The following RORA variants were observed in gnomAD, a reference collection of about 807,000 sequenced individuals.
RORA encodes the protein nuclear receptor ROR-alpha.
Under a neutral mutation model 69.5 loss-of-function variants are expected in RORA, and 7 were observed. That is an observed-to-expected ratio of 0.10 (90% CI 0.06 to 0.19). The LOEUF is 0.19. Ranked by LOEUF, RORA falls within the 10% of genes least tolerant of loss-of-function variation. RORA has a pLI of 1.00. For missense variants in RORA, 457 were observed against 663.0 expected (o/e 0.69, Z 3.41); for synonymous variants, 261 against 240.8 (o/e 1.08, Z -0.78).
chr15:60,511,192 T>C lies in RORA; in HGVS notation c.820+34A>G. 1 of 1,585,034 alleles carries C rather than the reference T, an allele frequency of 6.3e-7. No individual in the cohort carries two copies. The highest frequency in any genetic ancestry group is 1.3e-5 in the African/African-American group (1 of 74,540). On this transcript the variant is annotated intron_variant, in intron 5 of 10. Transcript: ENST00000335670. This position sits in a 1 kb window ranked among gnomAD's most constrained non-coding sequence, Gnocchi z 6.4. ...CCCCTTTTACTTCAAAGGGCATGAA[T>C]AGAGCATCCCAGGAGAAGCATGCAT...
chr15:60,647,692 G>A (rs1420659353), intron 2 of RORA, among the ~76,000 whole-genome samples: 2 of 152,184 alleles, frequency 1.3e-5, no homozygotes, highest in Non-Finnish European at 2.9e-5. Flanking sequence ...TGTTCAGAAA[G>A]AGAGAAGAGC....
chr15:61,018,842 A>C (rs1265326468), intron 1 of RORA, among the ~76,000 whole-genome samples: 1 of 152,192 alleles, frequency 6.6e-6, no homozygotes, highest in East Asian at 1.9e-4. Context: ...GTATATGTCT[A>C]TCTCTGCCAA....
intron 1 of RORA, among the ~76,000 whole-genome samples, chr15:61,009,712 T>C (rs536692610): frequency 1.3e-5 from 2 of 152,334 alleles, no homozygotes; most frequent in East Asian, 1.9e-4. Context: ...TTTCTGTAAG[T>C]AATGTCAAAG....
In RORA at chr15:60,939,752, C is replaced by T. The variant is rs184529838; in HGVS notation, c.167-261066G>A. Among the ~76,000 whole-genome samples, 154 of 152,296 alleles carry T rather than the reference C, an allele frequency of 1.0e-3. 1 individual carries two copies. The highest frequency in any genetic ancestry group is 6.8e-3 in the Middle Eastern group (2 of 294). The stretch of plus-strand genomic sequence containing the variant: ...TAACTCTTCCCGGGTTGTTCCAAGT[C>T]GGCTGTGCTAGCCCTGTACCCCTGC... On this transcript the variant is annotated intron_variant, in intron 1 of 10. Transcript: ENST00000335670.
Position 60,983,290 on chromosome 15 carries a change from T to A in RORA, c.166+245763A>T, listed in dbSNP as rs146895947. Among the ~76,000 whole-genome samples, 43 of 152,292 alleles carry A rather than the reference T, an allele frequency of 2.8e-4. No homozygotes were observed. The East Asian group carries it at 5.8e-3, about 20-fold the overall frequency. On this transcript the variant is annotated intron_variant, in intron 1 of 10. Transcript: ENST00000335670. ...TAACAAAATAGACTCTTTGTAGCAA[T>A]AAGATACCAAATTCCAGCCTGATGC...
At chr15:61,042,610 G>A (rs1896833260) in intron 1 of RORA, among the ~76,000 whole-genome samples, 6 of 152,180 alleles carry the variant, frequency 3.9e-5, no homozygotes, top group Admixed American at 3.9e-4. Context: ...TCAGCCATGA[G>A]AGATTAATTT....
rs1262777720 is a variant in RORA at position 60,561,143 on chromosome 15, G to A, written c.197-29292C>T. Among the ~76,000 whole-genome samples the A allele has an allele frequency of 2.7e-5, 4 of 149,662 alleles. No individual in the cohort carries two copies. The South Asian group carries it at 6.3e-4, about 24-fold the overall frequency. ...GTCGCCCAGGCTGGAGTGCAGTGGC[G>A]CGATCTCGGCTCACTGCAAGCGCCG... is the stretch of plus-strand genomic sequence containing the variant. On this transcript the variant is annotated intron_variant, in intron 2 of 10. Coordinates refer to ENST00000335670, the MANE Select transcript of RORA (RefSeq NM_134261.3).
At chr15:61,144,173 G>A (rs1266050870) in intron 1 of RORA, among the ~76,000 whole-genome samples, 1 of 152,284 alleles carries the variant, frequency 6.6e-6, no homozygotes, top group East Asian at 1.9e-4. Flanking sequence ...GTTTATTGGG[G>A]AGTATTCTCA....
chr15:60,600,638 T>C (rs2068789627), intron 2 of RORA, among the ~76,000 whole-genome samples: 1 of 152,206 alleles, frequency 6.6e-6, no homozygotes, highest in Non-Finnish European at 1.5e-5. Flanking sequence ...ATATGTTAGA[T>C]CCACATTTTA....
chr15:61,038,992 G>A (rs983034914), intron 1 of RORA: 6 of 152,182 alleles, frequency 3.9e-5, no homozygotes, highest in African/African-American at 1.4e-4. Flanking sequence ...TTGAAGATTA[G>A]GTTCTAATTC....
At chr15:61,023,986 A>T (rs2140422548) in intron 1 of RORA, among the ~76,000 whole-genome samples, 1 of 151,842 alleles carries the variant, frequency 6.6e-6, no homozygotes, top group South Asian at 2.1e-4. Context: ...TGCCCTGGGG[A>T]CCCATTAAGA....
At chr15:60,500,900 A>G in intron 9 of RORA, 59 bp downstream of exon 9, 1 of 986,324 alleles carries the variant, frequency 1.0e-6, no homozygotes, top group Non-Finnish European at 1.6e-6. Flanking sequence ...TGGGCCTTGT[A>G]AAAATTCTTT....
intron 1 of RORA, among the ~76,000 whole-genome samples, chr15:60,722,479 G>T (rs2071306313): frequency 6.6e-6 from 1 of 152,202 alleles, no homozygotes; most frequent in African/African-American, 2.4e-5. Context: ...CTTACGTGCA[G>T]CTCTCTGACC....
At chr15:60,541,935 G>T (rs554945584) in intron 2 of RORA, among the ~76,000 whole-genome samples, 1 of 152,114 alleles carries the variant, frequency 6.6e-6, no homozygotes, top group South Asian at 2.1e-4. Flanking sequence ...CTAGTCCAAG[G>T]TGCTTCTTTT....
At chr15:60,657,984 G>A (rs1193239651) in intron 2 of RORA, among the ~76,000 whole-genome samples, 1 of 152,098 alleles carries the variant, frequency 6.6e-6, no homozygotes, top group Non-Finnish European at 1.5e-5. Flanking sequence ...ATATTTAGAT[G>A]GTGCATTCGT....
intron 2 of RORA, chr15:60,558,297 A>G: frequency 6.2e-7 from 1 of 1,612,000 alleles, no homozygotes. Flanking sequence ...GAATCCCAAA[A>G]AGTTCATCCC....
chr15:61,190,170 T>C (rs1375448276), intron 1 of RORA, among the ~76,000 whole-genome samples: 1 of 47,402 alleles, frequency 2.1e-5, no homozygotes, highest in African/African-American at 9.1e-5. Context: ...TCAATTAGTA[T>C]TTGGTCCAGA....
chr15:61,159,653 C>T (rs1222790410), intron 1 of RORA, among the ~76,000 whole-genome samples: 1 of 152,202 alleles, frequency 6.6e-6, no homozygotes, highest in Non-Finnish European at 1.5e-5. Flanking sequence ...TGCATTCATA[C>T]ATTTAGGTGA....
intron 1 of RORA, among the ~76,000 whole-genome samples, chr15:61,151,978 C>T (rs780981816): frequency 7.2e-5 from 11 of 152,146 alleles, no homozygotes; most frequent in Non-Finnish European, 1.6e-4. Context: ...TGTGGAAAAT[C>T]GTTGTTCCCC....
Sources: allele counts gnomAD v4.1 joint callset (sites outside exome capture counted in the v4.1 genomes callset), GRCh38; gene constraint gnomAD v4.1.1; non-coding constraint Gnocchi (gnomAD v3.1); transcripts MANE v1.5; gene names NCBI Gene and HGNC (gene_info 2026-07-23, HGNC 2026-07-21).